PLCXD1: variants seen among roughly 807,000 people sequenced by gnomAD.
PLCXD1 encodes phosphatidylinositol specific phospholipase C X domain containing 1.
In PLCXD1, 45 loss-of-function variants were observed where a neutral mutation model predicts 37.8. That is an observed-to-expected ratio of 1.19 (90% CI 0.94 to 1.53). PLCXD1 has a LOEUF of 1.53. PLCXD1 is among the 40% of genes most tolerant of loss of function. The pLI, the probability that PLCXD1 is intolerant of heterozygous loss-of-function variation, is 0.00. For missense variants in PLCXD1, 539 were observed against 454.7 expected (o/e 1.19, Z -1.69); for synonymous variants, 246 against 206.9 (o/e 1.19, Z -1.62).
At chrX:278,579 A>T (rs1450556528), upstream of PLCXD1, among the ~76,000 whole-genome samples, 1 of 151,930 alleles carries the variant, frequency 6.6e-6, no homozygotes, top group Non-Finnish European at 1.5e-5. Flanking sequence ...TCTCTACTAA[A>T]AATACAGAAA....
Position 293,394 on chromosome X carries a change from C to T in PLCXD1, c.733+176C>T, listed in dbSNP as rs184070148. The stretch of plus-strand genomic sequence containing the variant: ...ATCCCAGCACTTCGGGAGGCCGAGG[C>T]GGGTGGATCACCTGAGGTCGGGAGT... On this transcript the variant is annotated intron_variant, in intron 6 of 6. Transcript: ENST00000381657. Among the ~76,000 whole-genome samples the T allele has an allele frequency of 3.1e-3, 474 of 152,292 alleles. 3 individuals carry two copies. The highest frequency in any genetic ancestry group is 0.01 in the African/African-American group (431 of 41,554).
intron 6 of PLCXD1, among the ~76,000 whole-genome samples, chrX:295,727 C>A (rs769336642): frequency 6.6e-6 from 1 of 151,866 alleles, no homozygotes; most frequent in Admixed American, 6.6e-5. Context: ...CAGGGTTTCA[C>A]CATGTTGGTC....
intron 3 of PLCXD1, 141 bp from the exon 4 acceptor site, chrX:290,507 C>A: frequency 1.2e-6 from 1 of 827,478 alleles, no homozygotes; most frequent in Non-Finnish European, 1.9e-6. Context: ...GCGCTCCCAG[C>A]ACATACAAAC....
intron 3 of PLCXD1, among the ~76,000 whole-genome samples, chrX:289,844 G>A (rs1425986446): frequency 2.0e-5 from 3 of 152,058 alleles, no homozygotes; most frequent in Admixed American, 6.6e-5. Flanking sequence ...ACTCAAGACA[G>A]ACAAGGACTC....
At chrX:296,634 C>A (rs1287586652) in intron 6 of PLCXD1, among the ~76,000 whole-genome samples, 1 of 152,190 alleles carries the variant, frequency 6.6e-6, no homozygotes. Flanking sequence ...TTGCAGGGAC[C>A]CCACTTTGAG....
chrX:286,150 T>C (rs1216094979), intron 2 of PLCXD1, among the ~76,000 whole-genome samples: 1 of 151,934 alleles, frequency 6.6e-6, no homozygotes, highest in Non-Finnish European at 1.5e-5. Flanking sequence ...TCGCAACCTC[T>C]GCCTCCTGGG....
rs150831090 is a variant in PLCXD1, at chrX:290,563, G to A, written c.265-85G>A. On this transcript the variant is annotated intron_variant, in intron 3 of 6. Transcript: ENST00000381657. ...CGTCCCAGTGGGCAGCAGGACATGC[G>A]GGTGGGCCAACCCCACAGCCCATTC... 5.8e-4 allele frequency: 846 copies of A among 1,461,504 alleles called. 5 individuals carry two copies. The African/African-American group carries it at 5.8e-3, about 10-fold the overall frequency. 90.5% of individuals were successfully genotyped at this position (1,461,504 alleles called of 1,614,324 possible).
At chrX:278,210 C>G (rs2069193051), upstream of PLCXD1, among the ~76,000 whole-genome samples, 1 of 147,676 alleles carries the variant, frequency 6.8e-6, no homozygotes, top group Non-Finnish European at 1.5e-5. Flanking sequence ...GGACACCCCT[C>G]AGTGGTCAGG....
upstream of PLCXD1, among the ~76,000 whole-genome samples, chrX:276,771 G>A (rs28424188): frequency 1.2e-4 from 18 of 151,642 alleles, 1 homozygote; most frequent in Non-Finnish European, 2.7e-4. Flanking sequence ...GGGACGGGTC[G>A]GGACAGCTGG....
chrX:295,691 A>AT (rs1212485875), intron 6 of PLCXD1, among the ~76,000 whole-genome samples: 45 of 149,870 alleles, frequency 3.0e-4, no homozygotes, highest in Non-Finnish European at 3.4e-4. Context: ...CACCCGGCTA[A>AT]TTTTTTTTTG....
Position 301,164 on chromosome X carries a change from C to G in PLCXD1, c.*1829C>G, listed in dbSNP as rs2070005612. The stretch of plus-strand genomic sequence containing the variant: ...TAGCTGGGGCTCCAGGGACACACCC[C>G]CACTGCTGGCTAATTTTTGTATTTT... On this transcript the variant is annotated 3_prime_UTR_variant, in exon 7 of 7. Transcript: ENST00000381657. The G allele has an allele frequency of 6.6e-6, 1 of 152,272 alleles. No individual in the cohort carries two copies. The highest frequency in any genetic ancestry group is 1.5e-5 in the Non-Finnish European group (1 of 68,188). 9.4% of individuals were successfully genotyped at this position (152,272 alleles called of 1,614,324 possible).
At chrX:285,349 T>C (rs866027808) in intron 2 of PLCXD1, among the ~76,000 whole-genome samples, 3 of 127,270 alleles carry the variant, frequency 2.4e-5, no homozygotes, top group Admixed American at 7.3e-5. Flanking sequence ...TGCACACGTG[T>C]ACACATGTAC....
At chrX:289,656 C>T (rs6603170) in intron 3 of PLCXD1, among the ~76,000 whole-genome samples, 65,042 of 151,128 alleles carry the variant, frequency 0.43, 14,781 homozygotes, top group Middle Eastern at 0.58. Flanking sequence ...GGACTACAGG[C>T]TCCCGCGACC....
chrX:284,122 C>T (rs975981292), intron 1 of PLCXD1, 45 bp from the exon 2 acceptor site: 13 of 1,542,102 alleles, frequency 8.4e-6, no homozygotes, highest in Admixed American at 6.7e-5. Flanking sequence ...AACTCCTGAC[C>T]TGAAGTCACC....
upstream of PLCXD1, among the ~76,000 whole-genome samples, chrX:280,079 C>T (rs2124290521): frequency 6.6e-6 from 1 of 152,302 alleles, no homozygotes; most frequent in East Asian, 1.9e-4. Context: ...GAACTCCTGA[C>T]CTCAGGTGAT....
intron 1 of PLCXD1, among the ~76,000 whole-genome samples, chrX:282,829 A>G (rs756182057): frequency 1.3e-4 from 19 of 147,550 alleles, no homozygotes; most frequent in African/African-American, 4.4e-4. Flanking sequence ...AGTATATTAT[A>G]TATATATACT....
intron 2 of PLCXD1, 99 bp downstream of exon 2, chrX:284,413 C>CT: frequency 7.4e-7 from 1 of 1,347,220 alleles, no homozygotes; most frequent in East Asian, 2.3e-5. Context: ...GGGACGCTGG[C>CT]TGTAGGAGCA....
chrX:283,236 G>A (rs1388174840), intron 1 of PLCXD1: 3 of 144,048 alleles, frequency 2.1e-5, no homozygotes, highest in Non-Finnish European at 4.5e-5. Context: ...CTGCAGCCTG[G>A]GCAACAAGAG....
At chrX:278,766 G>C (rs67511112), upstream of PLCXD1, among the ~76,000 whole-genome samples, 73,338 of 145,866 alleles carry the variant, frequency 0.5, 20,407 homozygotes, top group East Asian at 0.69. Context: ...AGTGTGTTTT[G>C]CTAAGGTTGA....
Sources: gnomAD v4.1 joint callset for allele counts (sites outside exome capture counted in the v4.1 genomes callset) on GRCh38, gnomAD v4.1.1 for gene constraint, MANE v1.5 for transcripts, NCBI Gene and HGNC (gene_info 2026-07-23, HGNC 2026-07-21) for gene names.